The following ARHGEF18 variants were observed in gnomAD, a reference collection of about 807,000 sequenced individuals.
The protein encoded by ARHGEF18 is Rho/Rac guanine nucleotide exchange factor 18.
A neutral mutation model predicts 155.7 loss-of-function variants in ARHGEF18; 93 were observed. The ratio of observed to expected loss-of-function variants is 0.60; its 90% CI spans 0.50 to 0.71. ARHGEF18 has a LOEUF of 0.71. Ranked by LOEUF, ARHGEF18 falls within the 30% of genes least tolerant of loss-of-function variation. The pLI, the probability that ARHGEF18 is intolerant of heterozygous loss-of-function variation, is 0.00. For missense variants in ARHGEF18, 1,593 were observed against 1,816.1 expected (o/e 0.88, Z 2.23); for synonymous variants, 742 against 753.1 (o/e 0.99, Z 0.24).
intron 10 of ARHGEF18, among the ~76,000 whole-genome samples, chr19:7,438,628 C>T (rs888926145): frequency 2.0e-5 from 3 of 151,830 alleles, no homozygotes; most frequent in African/African-American, 7.3e-5. Context: ...CTAGGCTAGT[C>T]TTGAACTCCC....
intron 16 of ARHGEF18, 50 bp downstream of exon 16, chr19:7,451,316 G>A (rs1402469317): frequency 6.6e-7 from 1 of 1,519,572 alleles, no homozygotes; most frequent in South Asian, 1.1e-5. Context: ...GCAGCACAGG[G>A]CTCTCTCCGT....
rs1451538982 is a variant in ARHGEF18, at chr19:7,451,032, C to G, written c.1738-117C>G. ...TCCGAGATGTTAATATGGGATCTTG[C>G]TGTCCATTTCCGAGATGTTAATGCG... On this transcript the variant is annotated intron_variant, in intron 15 of 28. Transcript: ENST00000668164. 23 of 911,164 alleles carry G rather than the reference C, an allele frequency of 2.5e-5. 1 individual carries two copies. Among genetic ancestry groups the G allele is most frequent in the Middle Eastern group, 4.6e-4 (2 of 4,394 alleles). 56.4% of individuals were successfully genotyped at this position (911,164 alleles called of 1,614,324 possible).
intron 1 of ARHGEF18, among the ~76,000 whole-genome samples, chr19:7,361,621 C>G (rs1434855763): frequency 6.6e-6 from 1 of 152,074 alleles, no homozygotes; most frequent in African/African-American, 2.4e-5. Context: ...TGAAAACGAC[C>G]CAAATGTCCA....
chr19:7,389,081 G>A (rs1389350346), intron 10 of ARHGEF18, among the ~76,000 whole-genome samples: 1 of 151,234 alleles, frequency 6.6e-6, no homozygotes, highest in Admixed American at 6.6e-5. Flanking sequence ...GACTTCTTGG[G>A]CTCAAGAGAT....
At chr19:7,389,110 C>T (rs1211300481) in intron 10 of ARHGEF18, among the ~76,000 whole-genome samples, 25 of 150,544 alleles carry the variant, frequency 1.7e-4, no homozygotes, top group South Asian at 6.3e-4. Context: ...TTCAGCCTCC[C>T]GAGTAGCAGG....
At chr19:7,416,918 G>C (rs1225912356) in intron 10 of ARHGEF18, among the ~76,000 whole-genome samples, 1 of 151,004 alleles carries the variant, frequency 6.6e-6, no homozygotes, top group Non-Finnish European at 1.5e-5. Context: ...TGTTGTTGTT[G>C]TTGTTTTTTG....
chr19:7,468,356 G>A (rs1485516044), intron 26 of ARHGEF18, among the ~76,000 whole-genome samples: 2 of 151,740 alleles, frequency 1.3e-5, no homozygotes, highest in Non-Finnish European at 1.5e-5. Flanking sequence ...ACCAGCCTGG[G>A]CCACGTAGTG....
chr19:7,412,475 G>T (rs182452064), intron 10 of ARHGEF18, among the ~76,000 whole-genome samples: 13 of 151,636 alleles, frequency 8.6e-5, no homozygotes, highest in Admixed American at 4.6e-4. Flanking sequence ...AGGAACGGTG[G>T]CTCAGCCTGT....
intron 14 of ARHGEF18, among the ~76,000 whole-genome samples, chr19:7,446,781 A>G (rs1239979711): frequency 6.6e-6 from 1 of 151,974 alleles, no homozygotes; most frequent in East Asian, 1.9e-4. Context: ...CTGTAATCCC[A>G]GCTACTTGGG....
At chr19:7,372,142 C>A (rs1970235065) in intron 2 of ARHGEF18, among the ~76,000 whole-genome samples, 2 of 152,228 alleles carry the variant, frequency 1.3e-5, no homozygotes, top group African/African-American at 4.8e-5. Flanking sequence ...ACCCACCAAA[C>A]CCTGTGTGCA....
Position 7,389,317 on chromosome 19 carries a change from A to ATT in ARHGEF18, c.967+6136_967+6137dup, listed in dbSNP as rs1203819709. Among the ~76,000 whole-genome samples, 406 of 112,946 alleles carry ATT rather than the reference A, an allele frequency of 3.6e-3. 5 individuals carry two copies. Among genetic ancestry groups the ATT allele is most frequent in the African/African-American group, 0.01 (286 of 27,902 alleles). 74.1% of individuals were successfully genotyped at this position (112,946 alleles called of 152,430 possible). ...AAGTGCATGCCATCATACCAGGATA[A>ATT]TTTTTTTTTTTTTTTTTTTTTTTGT... On this transcript the variant is annotated intron_variant, in intron 10 of 28. Coordinates refer to ENST00000668164, the MANE Select transcript of ARHGEF18 (RefSeq NM_001367823.1).
At position 7,463,845 on chromosome 19, in the gene ARHGEF18, G is replaced by C; in HGVS notation, c.2663G>C (p.Arg888Thr). The C allele has an allele frequency of 6.2e-7, 1 of 1,606,650 alleles. No individual in the cohort carries two copies. The highest frequency in any genetic ancestry group is 8.5e-7 in the Non-Finnish European group (1 of 1,177,148). ...GAGGGCATCCAGAGCCTGATCTGCA[G>C]GCAGCTGGGCAGCGCCAACGGCCAG... ...EIEGIQSLIC[R>T]QLGSANGQAE... Residue 888 changes from arginine to threonine, a missense_variant, in exon 22 of 29, where the codon AGG becomes ACG. Arg to Thr is a moderately conservative substitution (Grantham distance 71). Coordinates refer to ENST00000668164, the MANE Select transcript of ARHGEF18 (RefSeq NM_001367823.1). This position sits in a 1 kb window ranked among gnomAD's most constrained non-coding sequence, Gnocchi z 5.2.
intron 5 of ARHGEF18, among the ~76,000 whole-genome samples, chr19:7,377,698 G>A (rs890267479): frequency 6.6e-6 from 1 of 151,736 alleles, no homozygotes; most frequent in African/African-American, 2.4e-5. Context: ...TGAGATGGGA[G>A]GATCACTTAA....
chr19:7,426,302 A>C (rs1299406891), intron 10 of ARHGEF18, among the ~76,000 whole-genome samples: 1 of 152,082 alleles, frequency 6.6e-6, no homozygotes, highest in East Asian at 1.9e-4. Flanking sequence ...AGCCTGGCCA[A>C]CATGATGAAA....
intron 10 of ARHGEF18, among the ~76,000 whole-genome samples, chr19:7,398,367 G>A (rs372044099): frequency 2.6e-5 from 4 of 151,814 alleles, no homozygotes; most frequent in African/African-American, 7.3e-5. Context: ...CACCACGCCC[G>A]GTCATATTTC....
At position 7,413,280 on chromosome 19, in the gene ARHGEF18, C is replaced by T. The variant is rs547356218; in HGVS notation, c.968-27064C>T. Among the ~76,000 whole-genome samples the T allele has an allele frequency of 4.8e-5, 7 of 146,084 alleles. No homozygotes were observed. The South Asian group carries it at 1.1e-3, about 23-fold the overall frequency. ...GACCCTGTCTCTACCAAAAAAAACA[C>T]AAAAAACAAAAAGCTTTTTTTTTTT... is the stretch of plus-strand genomic sequence containing the variant. On this transcript the variant is annotated intron_variant, in intron 10 of 28. Coordinates refer to ENST00000668164, the MANE Select transcript of ARHGEF18 (RefSeq NM_001367823.1).
At chr19:7,407,631 G>C (rs1306724652) in intron 10 of ARHGEF18, among the ~76,000 whole-genome samples, 1 of 152,044 alleles carries the variant, frequency 6.6e-6, no homozygotes, top group Non-Finnish European at 1.5e-5. Context: ...GGTTGCATTT[G>C]AATTCTTGGA....
At chr19:7,390,332 C>T (rs1036343552) in intron 10 of ARHGEF18, among the ~76,000 whole-genome samples, 10 of 151,896 alleles carry the variant, frequency 6.6e-5, no homozygotes, top group Non-Finnish European at 8.8e-5. Flanking sequence ...CATGGTAAGA[C>T]CCCATCTCCA....
At chr19:7,413,046 C>T (rs574332688) in intron 10 of ARHGEF18, among the ~76,000 whole-genome samples, 3 of 152,154 alleles carry the variant, frequency 2.0e-5, no homozygotes, top group Admixed American at 6.5e-5. Flanking sequence ...TTTCAGCCAG[C>T]GAATCAGGAT....
Sources: allele counts gnomAD v4.1 joint callset (sites outside exome capture counted in the v4.1 genomes callset), GRCh38; gene constraint gnomAD v4.1.1; non-coding constraint Gnocchi (gnomAD v3.1); transcripts MANE v1.5; gene names NCBI Gene and HGNC (gene_info 2026-07-23, HGNC 2026-07-21).